OPA3: variants seen among roughly 807,000 people sequenced by gnomAD.
OPA3 encodes the protein optic atrophy 3 protein.
A neutral mutation model predicts 4.0 loss-of-function variants in OPA3; 6 were observed. That is an observed-to-expected ratio of 1.51 (90% CI 0.83 to 2.99). OPA3 has a LOEUF of 2.99. Among genes scored for constraint, OPA3 ranks in the 30% most tolerant of loss-of-function variants. OPA3 has a pLI of 0.00. For missense variants in OPA3, 235 were observed against 256.2 expected (o/e 0.92, Z 0.56); for synonymous variants, 105 against 117.1 (o/e 0.90, Z 0.67).
chr19:45,543,238 T>G (rs1045555324), downstream of OPA3, among the ~76,000 whole-genome samples: 7 of 152,124 alleles, frequency 4.6e-5, no homozygotes, highest in Admixed American at 1.3e-4. Context: ...CTCAAACTCC[T>G]GGGCTCACGT....
exon 2 of OPA3, chr19:45,529,456 A>G: frequency 6.2e-7 from 1 of 1,613,486 alleles, no homozygotes; most frequent in East Asian, 2.2e-5. Context: ...CCAGTGGTAC[A>G]CTGCAGGAAA....
chr19:45,581,679 G>A (rs1387263855), intron 1 of OPA3, among the ~76,000 whole-genome samples: 3 of 152,250 alleles, frequency 2.0e-5, no homozygotes, highest in Admixed American at 2.0e-4. Context: ...AGGGATGAAT[G>A]GTGTGTAACC....
chr19:45,540,304 G>A (rs997671621), intron 1 of OPA3, among the ~76,000 whole-genome samples: 4 of 151,296 alleles, frequency 2.6e-5, no homozygotes, highest in Non-Finnish European at 4.4e-5. Flanking sequence ...GTGCCAGAGC[G>A]AGACTCTGTC....
chr19:45,548,651 T>C lies in OPA3; in HGVS notation c.*4863A>G. ...GGGTAACTCAGTGAGTTTTGTGTTT[T>C]ATTTTTTTTATTTTTTTTTTTTTTG... On this transcript the variant is annotated 3_prime_UTR_variant, in exon 2 of 2. Transcript: ENST00000263275. 3.3e-6 allele frequency: 3 copies of C among 904,084 alleles called. No individual in the cohort carries two copies. The highest frequency in any genetic ancestry group is 3.8e-6 in the Non-Finnish European group (3 of 799,678). The allele number at this position is 904,084 out of a possible 1,614,324, so 56.0% of individuals were successfully genotyped here.
chr19:45,532,934 C>T (rs1240649522), intron 1 of OPA3, among the ~76,000 whole-genome samples: 1 of 152,070 alleles, frequency 6.6e-6, no homozygotes, highest in African/African-American at 2.4e-5. Flanking sequence ...TCTTCTCCCC[C>T]AGGCTGGAGT....
chr19:45,534,394 T>C (rs886743602), intron 1 of OPA3, among the ~76,000 whole-genome samples: 1 of 151,692 alleles, frequency 6.6e-6, no homozygotes, highest in African/African-American at 2.4e-5. Flanking sequence ...AAACCCCATC[T>C]CCACTAAAAA....
chr19:45,557,538 C>A (rs1017673531), intron 1 of OPA3, among the ~76,000 whole-genome samples: 3 of 152,114 alleles, frequency 2.0e-5, no homozygotes, highest in Admixed American at 1.3e-4. Context: ...CAGCACCTGG[C>A]CCCACACCTG....
chr19:45,547,791 G>C lies in OPA3; in HGVS notation c.*5723C>G, dbSNP rs1350133029. On this transcript the variant is annotated 3_prime_UTR_variant, in exon 2 of 2. Coordinates refer to ENST00000263275, the MANE Select transcript of OPA3 (RefSeq NM_025136.4). Reference sequence around the variant, plus strand: ...TGGCTCACCGCAACCTCCGCCTCCCGGGTTCAAGCGATTCTCCTGCCACAG... The same window carrying C: ...TGGCTCACCGCAACCTCCGCCTCCCCGGTTCAAGCGATTCTCCTGCCACAG... 6.6e-6 allele frequency: 1 copy of C among 152,356 alleles called. No homozygotes were observed. The highest frequency in any genetic ancestry group is 2.1e-4 in the South Asian group (1 of 4,838). 9.4% of individuals were successfully genotyped at this position (152,356 alleles called of 1,614,324 possible).
Position 45,549,630 on chromosome 19 carries a change from C to T in OPA3, c.*3884G>A, listed in dbSNP as rs187028696. On this transcript the variant is annotated 3_prime_UTR_variant, in exon 2 of 2. Transcript: ENST00000263275. ...CGAGTAGCTGGGATTCAGGAATGTG[C>T]CAACATGCCCGGCTAATTTTTGTAT... 1,579 of 780,334 alleles carry T rather than the reference C, an allele frequency of 2.0e-3. 3 individuals carry two copies. Among genetic ancestry groups the T allele is most frequent in the Non-Finnish European group, 2.3e-3 (1,487 of 643,118 alleles). The allele number at this position is 780,334 out of a possible 1,614,324, so 48.3% of individuals were successfully genotyped here. A position where few individuals can be genotyped will look rare whatever the true frequency, so the allele number is the denominator to read the frequency against.
chr19:45,574,725 C>A (rs978538651), intron 1 of OPA3, among the ~76,000 whole-genome samples: 1 of 152,220 alleles, frequency 6.6e-6, no homozygotes, highest in Non-Finnish European at 1.5e-5. Flanking sequence ...TTCCCACACC[C>A]ACTGTGGTCT....
chr19:45,529,611 G>A (rs117986973), intron 1 of OPA3, among the ~76,000 whole-genome samples: 1 of 152,330 alleles, frequency 6.6e-6, no homozygotes, highest in East Asian at 1.9e-4. Context: ...ACAAGTGCAG[G>A]CCTCACACCC....
At chr19:45,562,774 G>GT (rs1969524671) in intron 1 of OPA3, among the ~76,000 whole-genome samples, 1 of 152,208 alleles carries the variant, frequency 6.6e-6, no homozygotes, top group Non-Finnish European at 1.5e-5. Flanking sequence ...AAGGACACCA[G>GT]TGGAAACACT....
chr19:45,535,259 T>C (rs767308998), intron 1 of OPA3, among the ~76,000 whole-genome samples: 2 of 152,238 alleles, frequency 1.3e-5, no homozygotes, highest in South Asian at 2.1e-4. Context: ...TTTGATACTA[T>C]TTTGATGGCA....
chr19:45,553,005 C>G lies in OPA3; in HGVS notation c.*509G>C. 1 of 1,006,894 alleles carries G rather than the reference C, an allele frequency of 9.9e-7. No homozygotes were observed. Among genetic ancestry groups the G allele is most frequent in the Non-Finnish European group, 1.2e-6 (1 of 843,048 alleles). The allele number at this position is 1,006,894 out of a possible 1,614,324, so 62.4% of individuals were successfully genotyped here. On this transcript the variant is annotated 3_prime_UTR_variant, in exon 2 of 2. Transcript: ENST00000263275. ...CGTTTTTTTCCTCCTTAAGAGAGCA[C>G]TGATGCTCAGCTAGAGCTGACCTTA...
rs1969285606 is a variant in OPA3, at chr19:45,548,630, A to G, written c.*4884T>C. On this transcript the variant is annotated 3_prime_UTR_variant, in exon 2 of 2. Coordinates refer to ENST00000263275, the MANE Select transcript of OPA3 (RefSeq NM_025136.4). ...GCATAGGGTGGGGCAGAGAGTGGGTAACTCAGTGAGTTTTGTGTTTTATTT... is the reference window on the plus strand; with the variant it reads ...GCATAGGGTGGGGCAGAGAGTGGGTGACTCAGTGAGTTTTGTGTTTTATTT... 1 of 983,542 alleles carries G rather than the reference A, an allele frequency of 1.0e-6. No homozygotes were observed. The highest frequency in any genetic ancestry group is 1.8e-5 in the African/African-American group (1 of 56,608). The allele number at this position is 983,542 out of a possible 1,614,324, so 60.9% of individuals were successfully genotyped here.
In OPA3 at chr19:45,549,304, C is replaced by T; in HGVS notation, c.*4210G>A. ...TCCACTTCCACACACTCTGGCCACC[C>T]CTGACGCCGCAGTGGGGGAAGTAGA... On this transcript the variant is annotated 3_prime_UTR_variant, in exon 2 of 2. Coordinates refer to ENST00000263275, the MANE Select transcript of OPA3 (RefSeq NM_025136.4). 1 of 985,372 alleles carries T rather than the reference C, an allele frequency of 1.0e-6. No individual in the cohort carries two copies. Among genetic ancestry groups the T allele is most frequent in the Non-Finnish European group, 1.2e-6 (1 of 829,944 alleles). 61.0% of individuals were successfully genotyped at this position (985,372 alleles called of 1,614,324 possible).
At chr19:45,529,242 C>G in exon 2 of OPA3, 1 of 1,613,462 alleles carries the variant, frequency 6.2e-7, no homozygotes, top group Non-Finnish European at 8.5e-7. Flanking sequence ...GCAGCGCCTC[C>G]CTGGCAACAC....
intron 1 of OPA3, among the ~76,000 whole-genome samples, chr19:45,579,866 C>T (rs1232422302): frequency 6.6e-6 from 1 of 152,024 alleles, no homozygotes; most frequent in Admixed American, 6.6e-5. Context: ...GTGACCATTA[C>T]ATAATACCCA....
chr19:45,575,437 T>C (rs770898696), intron 1 of OPA3, among the ~76,000 whole-genome samples: 1 of 151,998 alleles, frequency 6.6e-6, no homozygotes, highest in Non-Finnish European at 1.5e-5. Context: ...GATGGCTATG[T>C]AGAAAAAGAA....
Sources: allele counts gnomAD v4.1 joint callset (sites outside exome capture counted in the v4.1 genomes callset), GRCh38; gene constraint gnomAD v4.1.1; transcripts MANE v1.5; gene names NCBI Gene and HGNC (gene_info 2026-07-23, HGNC 2026-07-21).